The following GOLGB1 variants were observed in gnomAD, a reference collection of about 807,000 sequenced individuals.
GOLGB1 encodes the protein golgin B1.
GOLGB1 carries 174 observed loss-of-function variants against 336.9 expected under a neutral mutation model. The observed-to-expected ratio is 0.52, with a 90% CI of 0.46 to 0.59. The LOEUF (loss-of-function observed/expected upper bound fraction) is 0.59, where lower values mean the gene tolerates loss of function less well. Among genes scored for constraint, GOLGB1 ranks in the 20% least tolerant of loss-of-function variants. The probability of loss-of-function intolerance (pLI) is 0.00; values close to 1 mark genes in which losing one functional copy is unlikely to be tolerated. For missense variants in GOLGB1, 3,331 were observed against 3,645.3 expected (o/e 0.91, Z 2.22); for synonymous variants, 1,208 against 1,289.2 (o/e 0.94, Z 1.35).
intron 15 of GOLGB1, among the ~76,000 whole-genome samples, chr3:121,681,310 T>A (rs1289082857): frequency 3.9e-5 from 6 of 152,100 alleles, no homozygotes; most frequent in Non-Finnish European, 7.4e-5. Context: ...GGGTTAAGGA[T>A]GTGAGGAAGG....
intron 15 of GOLGB1, 67 bp from the exon 16 acceptor site, chr3:121,677,517 G>A: frequency 2.9e-6 from 3 of 1,027,830 alleles, no homozygotes; most frequent in Non-Finnish European, 4.5e-6. Flanking sequence ...GCTCGCACCT[G>A]TAACCTCAGC....
At chr3:121,719,438 C>T (rs541808972) in intron 7 of GOLGB1, among the ~76,000 whole-genome samples, 1 of 152,056 alleles carries the variant, frequency 6.6e-6, no homozygotes, top group South Asian at 2.1e-4. Flanking sequence ...CTTTTGAGCA[C>T]CAACAACCTG....
chr3:121,716,977 G>C lies in GOLGB1; in HGVS notation c.1048C>G (p.Leu350Val). ...FHNLQEEMHHLLEQFEQAGQA... is the reference protein window; with the variant it reads ...FHNLQEEMHHVLEQFEQAGQA... ...CCTGCTTGCTCAAACTGTTCTAAAA[G>C]ATGATGCATTTCTTCCTGCAGATTA... is the stretch of plus-strand genomic sequence containing the variant. Residue 350 changes from leucine (L) to valine (V), a missense_variant, in exon 9 of 22, where the codon CTT (leucine) becomes GTT (valine). Coordinates refer to ENST00000614479, the MANE Select transcript of GOLGB1 (RefSeq NM_001366282.2). The C allele has an allele frequency of 6.2e-7, 1 of 1,613,996 alleles. No homozygotes were observed. Among genetic ancestry groups the C allele is most frequent in the African/African-American group, 1.3e-5 (1 of 75,020 alleles).
rs756117724 is a variant in GOLGB1, at chr3:121,695,010, T to C, written c.5513A>G (p.Asp1838Gly). The change falls in exon 13 of 22, where the codon GAT becomes GGT. Residue 1838 changes from aspartate to glycine, a missense_variant. By Grantham distance (94) the Asp-to-Gly change is moderately conservative. Coordinates refer to ENST00000614479, the MANE Select transcript of GOLGB1 (RefSeq NM_001366282.2). ...CTGCTGTAGGTAGTTATTAATTTCATCATGTGAGCTGAAATCCTTACTTAC... is the reference window on the plus strand; with the variant it reads ...CTGCTGTAGGTAGTTATTAATTTCACCATGTGAGCTGAAATCCTTACTTAC... Reference protein sequence around the residue: ...PAVSKDFSSHDEINNYLQQID... With the variant: ...PAVSKDFSSHGEINNYLQQID... 1.2e-6 allele frequency: 2 copies of C among 1,613,582 alleles called. No individual in the cohort carries two copies. Among genetic ancestry groups the C allele is most frequent in the Non-Finnish European group, 1.7e-6 (2 of 1,179,462 alleles).
intron 20 of GOLGB1, among the ~76,000 whole-genome samples, chr3:121,665,653 A>G (rs1938509800): frequency 1.3e-5 from 2 of 152,236 alleles, no homozygotes; most frequent in African/African-American, 4.8e-5. Flanking sequence ...CATTTAATGA[A>G]GAAGCTGCCA....
chr3:121,695,531 C>G lies in GOLGB1; in HGVS notation c.4992G>C (p.Glu1664Asp), dbSNP rs371277765. The part of the protein sequence containing the change: ...KLRSTEANKK[E>D]TEKQLQEAEQ... ...CAGCTTCCTGCAACTGCTTTTCTGT[C>G]TCCTTCTTGTTTGCCTCTGTGCTTC... Residue 1664 changes from glutamate (E) to aspartate (D), a missense_variant, in exon 13 of 22, where the codon GAG becomes GAC. Transcript: ENST00000614479. 3 of 1,613,838 alleles carry G rather than the reference C, an allele frequency of 1.9e-6. No homozygotes were observed. The East Asian group carries it at 6.7e-5, about 36-fold the overall frequency.
At chr3:121,673,163 G>A (rs758577521) in intron 17 of GOLGB1, among the ~76,000 whole-genome samples, 6 of 151,012 alleles carry the variant, frequency 4.0e-5, no homozygotes, top group African/African-American at 7.3e-5. Context: ...TCCACCTCCC[G>A]GGTTCAAGCA....
chr3:121,668,383 G>C (rs1057091718), intron 18 of GOLGB1: 30 of 355,992 alleles, frequency 8.4e-5, no homozygotes, highest in Admixed American at 4.9e-5. Context: ...CCTCTTAAAA[G>C]TTAAGTCTGG....
chr3:121,734,983 A>G (rs1946381874), intron 1 of GOLGB1, among the ~76,000 whole-genome samples: 1 of 152,252 alleles, frequency 6.6e-6, no homozygotes, highest in Non-Finnish European at 1.5e-5. Context: ...ATTGATTCAC[A>G]CAACACAATA....
At chr3:121,727,280 A>G (rs1194786621) in intron 4 of GOLGB1, among the ~76,000 whole-genome samples, 1 of 113,088 alleles carries the variant, frequency 8.8e-6, no homozygotes, top group Non-Finnish European at 1.8e-5. Flanking sequence ...TGTGAAATAC[A>G]TACACACACA....
In GOLGB1 at chr3:121,692,215, A is replaced by G; in HGVS notation, c.7149T>C (p.Asn2383=). The change falls in exon 14 of 22, where the codon AAT becomes AAC. Residue 2383 remains asparagine (N), a synonymous_variant. Transcript: ENST00000614479. ...ELTSRLHEEI[N]MKEQKIISLL... ...GGCTTATAATCTTTTGCTCTTTCAT[A>G]TTTATTTCTTCATGCAGCCTACTGG... 1 of 1,598,210 alleles carries G rather than the reference A, an allele frequency of 6.3e-7. No homozygotes were observed.
chr3:121,717,091 T>C lies in GOLGB1; in HGVS notation c.934A>G (p.Arg312Gly), dbSNP rs759874575. Residue 312 changes from arginine to glycine, a missense_variant, in exon 9 of 22, where the codon AGG (arginine) becomes GGG (glycine). Coordinates refer to ENST00000614479, the MANE Select transcript of GOLGB1 (RefSeq NM_001366282.2). ...QQMEAEHNTL[R>G]NTVETEREES... is the part of the protein sequence containing the mutation. Reference sequence around the variant, plus strand: ...TCTCTTTCTGTTTCCACAGTGTTCCTCAAAGTATTATGCTCAGCTTCCATC... The same window carrying C: ...TCTCTTTCTGTTTCCACAGTGTTCCCCAAAGTATTATGCTCAGCTTCCATC... 6.2e-7 allele frequency: 1 copy of C among 1,613,180 alleles called. No homozygotes were observed. The highest frequency in any genetic ancestry group is 8.5e-7 in the Non-Finnish European group (1 of 1,179,224).
rs751689689 is a variant in GOLGB1, at chr3:121,681,879, G to A, written c.8695-14C>T. ...CAATTCCTTCAGCTTTAACCAAAGG[G>A]AAAGTAAAATGATTATTTGTCACAT... On this transcript the variant is annotated splice_polypyrimidine_tract_variant and intron_variant, in intron 14 of 21. Coordinates refer to ENST00000614479, the MANE Select transcript of GOLGB1 (RefSeq NM_001366282.2). The A allele has an allele frequency of 6.5e-7, 1 of 1,549,524 alleles. No homozygotes were observed.
intron 20 of GOLGB1, 108 bp from the exon 21 acceptor site, chr3:121,665,139 T>C: frequency 1.5e-6 from 1 of 669,158 alleles, no homozygotes; most frequent in Admixed American, 2.6e-5. Context: ...GGAGGAGACT[T>C]GCAGCAAAAG....
At chr3:121,702,650 TA>T in intron 10 of GOLGB1, 55 bp from the exon 11 acceptor site, 1 of 795,228 alleles carries the variant, frequency 1.3e-6, no homozygotes, top group Non-Finnish European at 1.9e-6. Context: ...ATTCTCACAC[TA>T]ACGCCCAGAT....
At chr3:121,721,639 T>G (rs1440085901) in intron 6 of GOLGB1, among the ~76,000 whole-genome samples, 1 of 152,014 alleles carries the variant, frequency 6.6e-6, no homozygotes, top group Non-Finnish European at 1.5e-5. Context: ...ATTTCAAAAA[T>G]AAATATGTGG....
At position 121,691,340 on chromosome 3, in the gene GOLGB1, G is replaced by A. The variant is rs1456253582; in HGVS notation, c.8024C>T (p.Ala2675Val). The A allele has an allele frequency of 1.9e-6, 3 of 1,611,872 alleles. No homozygotes were observed. In the Admixed American group the frequency reaches 5.0e-5, roughly 27 times the overall value. The change falls in exon 14 of 22, where the codon GCC becomes GTC. Residue 2675 changes from alanine (A) to valine (V), a missense_variant. Physicochemically the swap from Ala to Val is moderately conservative, Grantham distance 64. Transcript: ENST00000614479. ...EELVCVQKEA[A>V]KKVGEIEDKL... Reference sequence around the variant, plus strand: ...ATCTTCAATTTCACCTACCTTCTTGGCAGCTTCCTTTTGAACACAAACCAA... The same window carrying A: ...ATCTTCAATTTCACCTACCTTCTTGACAGCTTCCTTTTGAACACAAACCAA...
At chr3:121,712,062 C>CA (rs1444427725) in intron 10 of GOLGB1, among the ~76,000 whole-genome samples, 11 of 152,144 alleles carry the variant, frequency 7.2e-5, no homozygotes, top group Admixed American at 5.9e-4. Flanking sequence ...TACTTGACTT[C>CA]AAGACTAACA....
Position 121,696,660 on chromosome 3 carries a change from T to C in GOLGB1, c.3863A>G (p.Asn1288Ser), listed in dbSNP as rs571510013. ...ATGAGAAGGCCAGTCTGGGCACAAGTTGGACTCTAAAACAGGTTGAGTGTG... is the reference window on the plus strand; with the variant it reads ...ATGAGAAGGCCAGTCTGGGCACAAGCTGGACTCTAAAACAGGTTGAGTGTG... ...QHHTQPVLES[N>S]LCPDWPSHSE... Residue 1288 changes from asparagine to serine, a missense_variant, in exon 13 of 22, where the codon AAC becomes AGC. Coordinates refer to ENST00000614479, the MANE Select transcript of GOLGB1 (RefSeq NM_001366282.2). 80 of 1,614,154 alleles carry C rather than the reference T, an allele frequency of 5.0e-5. 1 individual carries two copies. In the East Asian group the frequency reaches 5.6e-4, roughly 11 times the overall value.
Sources: gnomAD v4.1 joint callset for allele counts (sites outside exome capture counted in the v4.1 genomes callset) on GRCh38, gnomAD v4.1.1 for gene constraint, MANE v1.5 for transcripts, NCBI Gene and HGNC (gene_info 2026-07-23, HGNC 2026-07-21) for gene names.